DNAAF11: variants seen among roughly 807,000 people sequenced by gnomAD.
DNAAF11 encodes dynein axonemal assembly factor 11.
DNAAF11 carries 45 observed loss-of-function variants against 60.8 expected under a neutral mutation model. The observed-to-expected ratio is 0.74, with a 90% CI of 0.58 to 0.95. The LOEUF (loss-of-function observed/expected upper bound fraction) is 0.95. Among genes scored for constraint, DNAAF11 ranks in the 40% least tolerant of loss-of-function variants. The pLI, the probability that DNAAF11 is intolerant of heterozygous loss-of-function variation, is 0.00. For missense variants in DNAAF11, 546 were observed against 546.2 expected (o/e 1.00, Z 0.00); for synonymous variants, 191 against 183.5 (o/e 1.04, Z -0.33).
intron 5 of DNAAF11, among the ~76,000 whole-genome samples, chr8:132,628,368 C>G (rs906654634): frequency 6.6e-6 from 1 of 151,890 alleles, no homozygotes; most frequent in African/African-American, 2.4e-5. Flanking sequence ...GCCGAGATTG[C>G]GCCATTGCAC....
At chr8:132,682,882 A>G in the DNAAF11 span, among the ~76,000 whole-genome samples, 2 of 152,216 alleles carry the variant, frequency 1.3e-5, no homozygotes, top group African/African-American at 4.8e-5. Context: ...CAAGAGAGGA[A>G]GCAAGAGAGA....
At position 132,632,930 on chromosome 8, in the gene DNAAF11, T is replaced by C; in HGVS notation, c.463A>G (p.Arg155Gly). 1 of 1,613,318 alleles carries C rather than the reference T, an allele frequency of 6.2e-7. No individual in the cohort carries two copies. Among genetic ancestry groups the C allele is most frequent in the Non-Finnish European group, 8.5e-7 (1 of 1,179,476 alleles). ...GAATAGTCCTGCAATGCCTTAATCC[T>C]TTCTGAAGGCTCTATTTCTTTACCA... ...LDGKEIEPSE[R>G]IKALQDYSVI... Residue 155 changes from arginine (R) to glycine (G), a missense_variant, in exon 5 of 12, where the codon AGG (arginine) becomes GGG (glycine). Transcript: ENST00000620350.
chr8:132,675,221 T>C, intron 1 of DNAAF11: 1 of 426,334 alleles, frequency 2.3e-6, no homozygotes, highest in Non-Finnish European at 4.3e-6. Flanking sequence ...TCCAGTGCCT[T>C]TCTGCCTCTT....
At chr8:132,605,916 T>G (rs1177473783) in intron 10 of DNAAF11, among the ~76,000 whole-genome samples, 1 of 149,434 alleles carries the variant, frequency 6.7e-6, no homozygotes, top group East Asian at 1.9e-4. Flanking sequence ...AGGAAGGAAG[T>G]GGTAGAAGAT....
At chr8:132,597,525 G>A (rs1451742613) in intron 10 of DNAAF11, among the ~76,000 whole-genome samples, 1 of 152,174 alleles carries the variant, frequency 6.6e-6, no homozygotes, top group Non-Finnish European at 1.5e-5. Flanking sequence ...AAGAATGTAT[G>A]AAGTTGGCAG....
intron 10 of DNAAF11, among the ~76,000 whole-genome samples, chr8:132,605,577 C>T (rs1171346821): frequency 6.6e-6 from 1 of 152,048 alleles, no homozygotes; most frequent in East Asian, 1.9e-4. Flanking sequence ...GACAACACTC[C>T]CTGTTCTCAG....
chr8:132,593,332 C>CATACATATATATATATATATATATAT (rs577618316), intron 10 of DNAAF11, among the ~76,000 whole-genome samples: 3 of 108,738 alleles, frequency 2.8e-5, no homozygotes, highest in Non-Finnish European at 3.6e-5. Context: ...TATATACATA[C>CATACATATATATATATATATATATAT]ATATATATAT....
chr8:132,598,150 A>G (rs1185449519), intron 10 of DNAAF11, among the ~76,000 whole-genome samples: 1 of 152,216 alleles, frequency 6.6e-6, no homozygotes, highest in Non-Finnish European at 1.5e-5. Flanking sequence ...AAAGTATTCA[A>G]CACTGTGTGT....
At chr8:132,655,133 G>A (rs1823415769) in intron 3 of DNAAF11, among the ~76,000 whole-genome samples, 1 of 151,902 alleles carries the variant, frequency 6.6e-6, no homozygotes, top group Admixed American at 6.6e-5. Context: ...AAAAACAACT[G>A]TATGGTAAAG....
chr8:132,670,751 A>G (rs78764629), intron 1 of DNAAF11, among the ~76,000 whole-genome samples: 3,246 of 152,272 alleles, frequency 0.021, 130 homozygotes, highest in African/African-American at 0.073. Context: ...ATAATAAAAA[A>G]ATTATACATT....
chr8:132,699,517 A>G, the DNAAF11 span, among the ~76,000 whole-genome samples: 1 of 152,140 alleles, frequency 6.6e-6, no homozygotes, highest in Admixed American at 6.6e-5. Context: ...TGCAGCCTGG[A>G]AGAGTGAAAA....
rs111514858 is a variant in DNAAF11 at position 132,657,064 on chromosome 8, G to A, written c.179-157C>T. On this transcript the variant is annotated intron_variant, in intron 2 of 11. Coordinates refer to ENST00000620350, the MANE Select transcript of DNAAF11 (RefSeq NM_012472.6). ...AAATCTATACCTGTACATCAGACAC[G>A]GTGGCTGCCTAAGGAGGACCCATTT... is the stretch of plus-strand genomic sequence containing the variant. Among the ~76,000 whole-genome samples the A allele has an allele frequency of 3.7e-3, 558 of 152,134 alleles. 4 individuals carry two copies. The highest frequency in any genetic ancestry group is 0.013 in the African/African-American group (525 of 41,484).
intron 7 of DNAAF11, among the ~76,000 whole-genome samples, chr8:132,618,813 G>T (rs1395059582): frequency 6.6e-6 from 1 of 152,148 alleles, no homozygotes; most frequent in Non-Finnish European, 1.5e-5. Context: ...TGTTGGAGAG[G>T]ATGTGGAGAA....
In DNAAF11 at chr8:132,665,277, C is replaced by T. The variant is rs113148735; in HGVS notation, c.11-3650G>A. Among the ~76,000 whole-genome samples, 557 of 152,082 alleles carry T rather than the reference C, an allele frequency of 3.7e-3. 3 individuals carry two copies. Among genetic ancestry groups the T allele is most frequent in the African/African-American group, 0.013 (524 of 41,492 alleles). On this transcript the variant is annotated intron_variant, in intron 1 of 11. Transcript: ENST00000620350. ...AATGTGTAAAGATATCTTCATGGTG[C>T]ATGGAGATTATAGTGTTTCATGCTT...
chr8:132,606,831 T>C lies in DNAAF11; in HGVS notation c.1140+3335A>G, dbSNP rs142413348. 4.6e-3 allele frequency among the ~76,000 whole-genome samples: 706 copies of C among 152,328 alleles called. 2 individuals carry two copies. Among genetic ancestry groups the C allele is most frequent in the African/African-American group, 0.016 (672 of 41,582 alleles). On this transcript the variant is annotated intron_variant, in intron 10 of 11. Coordinates refer to ENST00000620350, the MANE Select transcript of DNAAF11 (RefSeq NM_012472.6). ...AAATTTTTAGAAATGGAAAAAAGCA[T>C]ACAGAATATGAGTATAAAGAAAGGA...
At chr8:132,672,976 G>T (rs1825330968) in intron 1 of DNAAF11, among the ~76,000 whole-genome samples, 1 of 151,968 alleles carries the variant, frequency 6.6e-6, no homozygotes, top group Non-Finnish European at 1.5e-5. Context: ...TCTTTTTTTG[G>T]AAAATACAGG....
intron 3 of DNAAF11, among the ~76,000 whole-genome samples, chr8:132,650,603 T>C (rs1033451034): frequency 6.6e-6 from 1 of 152,236 alleles, no homozygotes; most frequent in Non-Finnish European, 1.5e-5. Context: ...AGGCACTATA[T>C]GAAGGATGTG....
intron 1 of DNAAF11, among the ~76,000 whole-genome samples, chr8:132,664,447 C>T (rs1586735255): frequency 6.6e-6 from 1 of 152,152 alleles, no homozygotes; most frequent in South Asian, 2.1e-4. Context: ...GTAGTATTCT[C>T]TTGCTATACC....
chr8:132,581,661 C>CAAAAAAAAA (rs59380140), intron 11 of DNAAF11, among the ~76,000 whole-genome samples: 18 of 82,926 alleles, frequency 2.2e-4, no homozygotes, highest in Admixed American at 4.0e-4. Flanking sequence ...GACTCTGCCT[C>CAAAAAAAAA]AAAAAAAAAA....
Sources: gnomAD v4.1 joint callset for allele counts (sites outside exome capture counted in the v4.1 genomes callset) on GRCh38, gnomAD v4.1.1 for gene constraint, MANE v1.5 for transcripts, NCBI Gene and HGNC (gene_info 2026-07-23, HGNC 2026-07-21) for gene names.